ZNF567: variants seen among roughly 807,000 people sequenced by gnomAD.
The protein encoded by ZNF567 is zinc finger protein 567.
A neutral mutation model predicts 53.9 loss-of-function variants in ZNF567; 36 were observed. That is an observed-to-expected ratio of 0.67 (90% CI 0.51 to 0.88). The LOEUF is 0.88. Ranked by LOEUF, ZNF567 falls within the 40% of genes least tolerant of loss-of-function variation. The probability of loss-of-function intolerance (pLI) is 0.00; values close to 1 mark genes in which losing one functional copy is unlikely to be tolerated. For missense variants in ZNF567, 619 were observed against 764.7 expected, an observed-to-expected ratio of 0.81 and a Z score of 2.25; for synonymous variants, 224 against 260.4, an observed-to-expected ratio of 0.86 and a Z score of 1.35.
the ZNF567 span, among the ~76,000 whole-genome samples, chr19:36,679,578 C>CT: frequency 6.6e-6 from 1 of 152,156 alleles, no homozygotes; most frequent in African/African-American, 2.4e-5. Context: ...TGGAAACAAG[C>CT]TAAGTGTCCA....
At chr19:36,680,614 A>G in the ZNF567 span, among the ~76,000 whole-genome samples, 2 of 152,214 alleles carry the variant, frequency 1.3e-5, no homozygotes, top group African/African-American at 4.8e-5. Context: ...AGTTACCACA[A>G]ACTTGGTAGC....
At chr19:36,675,400 C>T in the ZNF567 span, among the ~76,000 whole-genome samples, 11 of 151,810 alleles carry the variant, frequency 7.2e-5, no homozygotes, top group African/African-American at 1.9e-4. Flanking sequence ...ATTGGCCAGG[C>T]GCAGTGGCTC....
At chr19:36,698,188 C>G (rs1600515262) in intron 3 of ZNF567, among the ~76,000 whole-genome samples, 2 of 151,998 alleles carry the variant, frequency 1.3e-5, no homozygotes, top group Admixed American at 6.6e-5. Context: ...GATTTTTTGT[C>G]CTTGTGATAG....
chr19:36,727,319 G>T (rs1419595124), downstream of ZNF567: 3 of 151,084 alleles, frequency 2.0e-5, no homozygotes, highest in Non-Finnish European at 4.4e-5. Context: ...TGATTGGCCT[G>T]CCTCAGCCTC....
chr19:36,691,368 GTT>G (rs2038599405), intron 2 of ZNF567, among the ~76,000 whole-genome samples: 1 of 151,936 alleles, frequency 6.6e-6, no homozygotes, highest in South Asian at 2.1e-4. Flanking sequence ...GTCTTGCTAT[GTT>G]TCCTAGGCTG....
chr19:36,710,386 TTTTTG>T (rs1320039340), intron 3 of ZNF567, among the ~76,000 whole-genome samples: 1 of 151,712 alleles, frequency 6.6e-6, no homozygotes, highest in African/African-American at 2.4e-5. Context: ...CCCCCACTCC[TTTTTG>T]TTTTGTTTTG....
chr19:36,689,872 T>A (rs887001612), intron 2 of ZNF567, among the ~76,000 whole-genome samples: 3 of 152,082 alleles, frequency 2.0e-5, no homozygotes, highest in Non-Finnish European at 4.4e-5. Flanking sequence ...ATCACTCACG[T>A]TTTTCCCCCT....
Position 36,720,638 on chromosome 19 carries a change from T to C in ZNF567, c.1914T>C (p.Thr638=). The C allele has an allele frequency of 1.3e-6, 2 of 1,558,860 alleles. No individual in the cohort carries two copies. The highest frequency in any genetic ancestry group is 1.7e-6 in the Non-Finnish European group (2 of 1,154,818). The change falls in exon 6 of 6, where the codon ACT becomes ACC. Residue 638 remains threonine (T), a synonymous_variant. Transcript: ENST00000682579. The part of the protein sequence containing the change: ...YKRNLIVHQR[T]HKGENIEMQ The stretch of plus-strand genomic sequence containing the variant: ...GAAACCTCATTGTCCATCAAAGAAC[T>C]CACAAGGGAGAAAACATTGAAATGC...
chr19:36,704,883 A>G (rs1175617905), intron 3 of ZNF567, among the ~76,000 whole-genome samples: 1 of 152,206 alleles, frequency 6.6e-6, no homozygotes, highest in Non-Finnish European at 1.5e-5. Context: ...TGGTAATAGA[A>G]TGAAGACTGT....
intron 3 of ZNF567, among the ~76,000 whole-genome samples, chr19:36,706,619 A>T (rs1393257745): frequency 1.3e-5 from 2 of 149,290 alleles, no homozygotes; most frequent in East Asian, 4.0e-4. Flanking sequence ...GAGGGGACAC[A>T]TTCAAACTAT....
intron 5 of ZNF567, 57 bp downstream of exon 5, chr19:36,712,924 C>A: frequency 7.4e-7 from 1 of 1,359,536 alleles, no homozygotes; most frequent in Non-Finnish European, 1.0e-6. Context: ...TTAAAAGGGT[C>A]AAGTGGGGGT....
chr19:36,689,749 G>C (rs1349815015), intron 2 of ZNF567, among the ~76,000 whole-genome samples: 1 of 152,062 alleles, frequency 6.6e-6, no homozygotes, highest in Non-Finnish European at 1.5e-5. Context: ...CAGTCACTTT[G>C]CCCTCCCAAA....
intron 3 of ZNF567, among the ~76,000 whole-genome samples, chr19:36,697,142 A>G (rs971510252): frequency 1.3e-5 from 2 of 152,174 alleles, no homozygotes; most frequent in Non-Finnish European, 2.9e-5. Context: ...CATGATGCAC[A>G]TCTCCTTTTA....
At chr19:36,722,944 A>G (rs950632914), downstream of ZNF567, among the ~76,000 whole-genome samples, 10 of 150,080 alleles carry the variant, frequency 6.7e-5, no homozygotes, top group African/African-American at 2.5e-4. Context: ...AATAATTTAT[A>G]TATGCATAAA....
Position 36,689,981 on chromosome 19 carries a change from T to A in ZNF567, c.-67+484T>A, listed in dbSNP as rs556007062. On this transcript the variant is annotated intron_variant, in intron 2 of 5. Transcript: ENST00000682579. ...AAGGAGGAGTTTAATGATAGCAAAA[T>A]TTTACACTCAACAGCTCTATAAGAT... Among the ~76,000 whole-genome samples, 5 of 152,308 alleles carry A rather than the reference T, an allele frequency of 3.3e-5. No individual in the cohort carries two copies. In the East Asian group the frequency reaches 9.7e-4, roughly 29 times the overall value.
chr19:36,698,548 A>C (rs1188144188), intron 3 of ZNF567, among the ~76,000 whole-genome samples: 1 of 146,728 alleles, frequency 6.8e-6, no homozygotes, highest in Non-Finnish European at 1.5e-5. Context: ...CCAACAGTGT[A>C]AAAGTGTTCC....
At chr19:36,677,639 C>T in the ZNF567 span, among the ~76,000 whole-genome samples, 13 of 150,444 alleles carry the variant, frequency 8.6e-5, no homozygotes, top group African/African-American at 1.5e-4. Flanking sequence ...TGGTGGTGCG[C>T]GCCTGTAGTC....
intron 3 of ZNF567, among the ~76,000 whole-genome samples, chr19:36,703,337 T>G (rs990603949): frequency 6.6e-5 from 10 of 151,192 alleles, no homozygotes; most frequent in Admixed American, 4.0e-4. Flanking sequence ...CTGCCCCTAC[T>G]GGGGGGGGTG....
At chr19:36,688,515 G>C (rs2145507519) in intron 1 of ZNF567, among the ~76,000 whole-genome samples, 1 of 152,128 alleles carries the variant, frequency 6.6e-6, no homozygotes, top group Non-Finnish European at 1.5e-5. Context: ...GGGTAAGATT[G>C]GGCCCATGCG....
Sources: gnomAD v4.1 joint callset for allele counts (sites outside exome capture counted in the v4.1 genomes callset) on GRCh38, gnomAD v4.1.1 for gene constraint, MANE v1.5 for transcripts, NCBI Gene and HGNC (gene_info 2026-07-23, HGNC 2026-07-21) for gene names.